Variants in NCAM1 observed in about 807,000 individuals in gnomAD.
NCAM1 encodes neural cell adhesion molecule 1.
A neutral mutation model predicts 109.8 loss-of-function variants in NCAM1; 14 were observed. The observed-to-expected ratio is 0.13, with a 90% confidence interval of 0.08 to 0.20. NCAM1 has a LOEUF of 0.20. Ranked by LOEUF, NCAM1 falls within the 10% of genes least tolerant of loss-of-function variation. The pLI, the probability that NCAM1 is intolerant of heterozygous loss-of-function variation, is 1.00. For synonymous variants in NCAM1, 418 were observed against 442.9 expected (o/e 0.94, Z 0.70); for missense variants, 774 against 1,109.9 (o/e 0.70, Z 4.30).
At chr11:113,148,106 C>T (rs1942085943) in intron 1 of NCAM1, among the ~76,000 whole-genome samples, 4 of 152,204 alleles carry the variant, frequency 2.6e-5, no homozygotes, top group Admixed American at 2.6e-4. Flanking sequence ...CTCTCCCCTC[C>T]TTTCACTTTC....
intron 1 of NCAM1, among the ~76,000 whole-genome samples, chr11:113,115,709 G>A (rs1940668451): frequency 1.3e-5 from 2 of 152,226 alleles, no homozygotes; most frequent in South Asian, 2.1e-4. Context: ...CTTCCACTCT[G>A]TGGATGCTCT....
At position 112,993,737 on chromosome 11, in the gene NCAM1, A is replaced by G. The variant is rs1277989207; in HGVS notation, c.52+32073A>G. Among the ~76,000 whole-genome samples, 6 of 152,340 alleles carry G rather than the reference A, an allele frequency of 3.9e-5. No individual in the cohort carries two copies. The East Asian group carries it at 1.2e-3, about 29-fold the overall frequency. ...TGAAAACTGTACTTTTTACATTATG[A>G]TGAACAAGTAAATATTGTTCACTGA... On this transcript the variant is annotated intron_variant, in intron 1 of 19. Transcript: ENST00000316851.
intron 1 of NCAM1, among the ~76,000 whole-genome samples, chr11:113,134,902 AC>A (rs1235540487): frequency 2.0e-5 from 3 of 152,096 alleles, no homozygotes; most frequent in African/African-American, 7.2e-5. Context: ...AGAAGAAAGC[AC>A]CCTATGATCC....
At chr11:113,181,229 T>C (rs1184387692) in intron 1 of NCAM1, among the ~76,000 whole-genome samples, 2 of 152,134 alleles carry the variant, frequency 1.3e-5, no homozygotes, top group African/African-American at 4.8e-5. Flanking sequence ...CTGGGCAGCC[T>C]CTCGGGCCCT....
rs554121269 is a variant in NCAM1, at chr11:113,035,588, G to T, written c.52+73924G>T. ...TGAAATATTTTTTAAAGGCCTTGGTGTTCTAGGAAGAAAGCTTCATTATTG... is the reference window on the plus strand; with the variant it reads ...TGAAATATTTTTTAAAGGCCTTGGTTTTCTAGGAAGAAAGCTTCATTATTG... On this transcript the variant is annotated intron_variant, in intron 1 of 19. Transcript: ENST00000316851. Among the ~76,000 whole-genome samples the T allele has an allele frequency of 2.0e-5, 3 of 152,260 alleles. No homozygotes were observed. In the East Asian group the frequency reaches 5.8e-4, roughly 29 times the overall value.
At chr11:113,025,818 A>AGAGAGAGG (rs1952527615) in intron 1 of NCAM1, among the ~76,000 whole-genome samples, 1 of 119,466 alleles carries the variant, frequency 8.4e-6, no homozygotes, top group Admixed American at 8.5e-5. Context: ...AGAGAGAGAG[A>AGAGAGAGG]GAGAGGGAGA....
At position 112,962,284 on chromosome 11, in the gene NCAM1, T is replaced by G. The variant is rs578183352; in HGVS notation, c.52+620T>G. ...GACCGTTGTTGCACCCCAGTCGACA[T>G]GACGTTAGTTTTTCATTTGCCAAAT... On this transcript the variant is annotated intron_variant, in intron 1 of 19. Coordinates refer to ENST00000316851, the MANE Select transcript of NCAM1 (RefSeq NM_181351.5). This position sits in a 1 kb window ranked among gnomAD's most constrained non-coding sequence, Gnocchi z 5.6. Among the ~76,000 whole-genome samples, 5 of 152,180 alleles carry G rather than the reference T, an allele frequency of 3.3e-5. No homozygotes were observed. The highest frequency in any genetic ancestry group is 7.3e-5 in the Non-Finnish European group (5 of 68,032).
chr11:113,168,975 G>C (rs1433455497), intron 1 of NCAM1, among the ~76,000 whole-genome samples: 1 of 151,794 alleles, frequency 6.6e-6, no homozygotes, highest in African/African-American at 2.4e-5. Flanking sequence ...GTGGAGGCAG[G>C]ATGTAAATGT....
chr11:113,106,043 A>T (rs1591329934), intron 1 of NCAM1, among the ~76,000 whole-genome samples: 1 of 152,304 alleles, frequency 6.6e-6, no homozygotes, highest in East Asian at 1.9e-4. Context: ...TTTTAAAATA[A>T]TTCATTTATT....
intron 1 of NCAM1, among the ~76,000 whole-genome samples, chr11:113,151,312 A>G (rs2136272234): frequency 6.6e-6 from 1 of 152,338 alleles, no homozygotes; most frequent in Admixed American, 6.5e-5. Flanking sequence ...GACCCTTGTC[A>G]ATTTTCAAAA....
At chr11:113,237,419 C>A (rs921888014) in intron 14 of NCAM1, among the ~76,000 whole-genome samples, 2 of 152,216 alleles carry the variant, frequency 1.3e-5, no homozygotes, top group Non-Finnish European at 2.9e-5. Flanking sequence ...TGTAGGTATT[C>A]TGAGATTTTG....
chr11:113,185,068 T>TTTTATATATATATATATA (rs1555108651), intron 1 of NCAM1, among the ~76,000 whole-genome samples: 2 of 99,636 alleles, frequency 2.0e-5, no homozygotes, highest in African/African-American at 4.2e-5. Flanking sequence ...GCATTTATAT[T>TTTTATATATATATATATA]TATATATATA....
At position 113,141,950 on chromosome 11, in the gene NCAM1, G is replaced by A. The variant is rs193147645; in HGVS notation, c.53-60429G>A. On this transcript the variant is annotated intron_variant, in intron 1 of 19. Transcript: ENST00000316851. ...TGCGACCTCTTTCTAGGTTGACATCGATCCATTTATCAACCCTCTTGAGGT... is the reference window on the plus strand; with the variant it reads ...TGCGACCTCTTTCTAGGTTGACATCAATCCATTTATCAACCCTCTTGAGGT... 9.2e-5 allele frequency among the ~76,000 whole-genome samples: 14 copies of A among 152,188 alleles called. No homozygotes were observed. In the East Asian group the frequency reaches 2.7e-3, roughly 29 times the overall value.
At chr11:113,263,591 C>T (rs1555123799) in intron 17 of NCAM1, 1 of 985,446 alleles carries the variant, frequency 1.0e-6, no homozygotes, top group African/African-American at 1.7e-5. Context: ...TTACGGCCAG[C>T]ACCTTACACT....
intron 1 of NCAM1, among the ~76,000 whole-genome samples, chr11:112,975,147 T>G (rs1416787873): frequency 1.3e-5 from 2 of 151,982 alleles, no homozygotes; most frequent in Non-Finnish European, 2.9e-5. Flanking sequence ...TTGAGGAAAC[T>G]TTTCTGAACT....
At chr11:113,179,418 A>G (rs1943264421) in intron 1 of NCAM1, among the ~76,000 whole-genome samples, 1 of 152,250 alleles carries the variant, frequency 6.6e-6, no homozygotes, top group African/African-American at 2.4e-5. Context: ...TGCTCAGCTA[A>G]GCAATTTGGT....
At chr11:113,088,609 A>G (rs369639377) in intron 1 of NCAM1, among the ~76,000 whole-genome samples, 19 of 152,306 alleles carry the variant, frequency 1.2e-4, no homozygotes, top group African/African-American at 4.3e-4. Flanking sequence ...TTGCAAAGCT[A>G]AACTTTATGG....
intron 14 of NCAM1, among the ~76,000 whole-genome samples, chr11:113,244,372 T>A (rs1034817151): frequency 2.0e-5 from 3 of 152,202 alleles, no homozygotes; most frequent in Non-Finnish European, 4.4e-5. Flanking sequence ...AGTTGTGACA[T>A]CCAAAGGGAA....
chr11:113,133,092 T>C (rs1422616070), intron 1 of NCAM1: 1 of 152,154 alleles, frequency 6.6e-6, no homozygotes, highest in African/African-American at 2.4e-5. Flanking sequence ...TCCTATGTGT[T>C]TGTAGTAACA....
Sources: gnomAD v4.1 joint callset for allele counts (sites outside exome capture counted in the v4.1 genomes callset) on GRCh38, gnomAD v4.1.1 for gene constraint, Gnocchi (gnomAD v3.1) non-coding constraint, MANE v1.5 for transcripts, NCBI Gene and HGNC (gene_info 2026-07-23, HGNC 2026-07-21) for gene names.